The following PRDM12 variants were observed in gnomAD, a reference collection of about 807,000 sequenced individuals.
PRDM12 encodes PR domain zinc finger protein 12.
PRDM12 carries 17 observed loss-of-function variants against 29.6 expected under a neutral mutation model. The observed-to-expected ratio is 0.57, with a 90% CI of 0.39 to 0.86. PRDM12 has a LOEUF of 0.86. Ranked by LOEUF, PRDM12 falls within the 40% of genes least tolerant of loss-of-function variation. PRDM12 has a pLI of 0.00. For synonymous variants in PRDM12, 231 were observed against 225.8 expected, an observed-to-expected ratio of 1.02 and a Z score of -0.21; for missense variants, 422 against 510.8, an observed-to-expected ratio of 0.83 and a Z score of 1.68.
At chr9:130,666,444 C>T (rs1239996106) in intron 1 of PRDM12, among the ~76,000 whole-genome samples, 164 bp from the exon 2 acceptor site, 1 of 152,212 alleles carries the variant, frequency 6.6e-6, no homozygotes, top group African/African-American at 2.4e-5. Context: ...GTTGAGCCTC[C>T]GCACATCCGA....
chr9:130,673,758 G>A (rs1830810037), intron 3 of PRDM12, among the ~76,000 whole-genome samples: 1 of 141,632 alleles, frequency 7.1e-6, no homozygotes, highest in Non-Finnish European at 1.5e-5. Flanking sequence ...CGCAACCTCT[G>A]CCTCCTGGAT....
At chr9:130,677,384 A>G (rs1830852820) in intron 3 of PRDM12, among the ~76,000 whole-genome samples, 1 of 152,204 alleles carries the variant, frequency 6.6e-6, no homozygotes, top group Non-Finnish European at 1.5e-5. Flanking sequence ...CCTGTCTCTG[A>G]CCACAGAAGC....
intron 4 of PRDM12, among the ~76,000 whole-genome samples, chr9:130,679,904 TC>T (rs1262886777): frequency 6.6e-6 from 1 of 150,620 alleles, no homozygotes; most frequent in Non-Finnish European, 1.5e-5. Context: ...CAAATGATCC[TC>T]CTGCCTCTGC....
At chr9:130,676,176 T>C (rs912124647) in intron 3 of PRDM12, among the ~76,000 whole-genome samples, 4 of 151,946 alleles carry the variant, frequency 2.6e-5, no homozygotes, top group Admixed American at 6.6e-5. Context: ...GGAAAAAAAG[T>C]AGAATTTTTA....
chr9:130,675,172 AC>A (rs1277481123), intron 3 of PRDM12, among the ~76,000 whole-genome samples: 5 of 152,158 alleles, frequency 3.3e-5, no homozygotes, highest in African/African-American at 1.2e-4. Flanking sequence ...GAGCCACTGC[AC>A]CCAGCCTACT....
rs138808489 is a variant in PRDM12 at position 130,675,510 on chromosome 9, A to G, written c.571-3019A>G. On this transcript the variant is annotated intron_variant, in intron 3 of 4. Transcript: ENST00000253008. ...GCGGCCTCTGCAGCTCTGCTGGCTC[A>G]GTGAGCACTCCTGCAGGGACCTGGA... is the stretch of plus-strand genomic sequence containing the variant. Among the ~76,000 whole-genome samples, 788 of 152,338 alleles carry G rather than the reference A, an allele frequency of 5.2e-3. 6 individuals are homozygous for G. Among genetic ancestry groups the G allele is most frequent in the African/African-American group, 0.018 (728 of 41,582 alleles).
chr9:130,668,983 G>A lies in PRDM12; in HGVS notation c.570+670G>A, dbSNP rs2132592415. On this transcript the variant is annotated intron_variant, in intron 3 of 4. Coordinates refer to ENST00000253008, the MANE Select transcript of PRDM12 (RefSeq NM_021619.3). The surrounding 1 kb of genome is among the most constrained non-coding windows in gnomAD (Gnocchi z 4.0). Reference sequence around the variant, plus strand: ...GGGGGGAGTGTTAGCACTAATAGCTGCGCTTCCTGAGCCTTCTCAGAGGAG... The same window carrying A: ...GGGGGGAGTGTTAGCACTAATAGCTACGCTTCCTGAGCCTTCTCAGAGGAG... Among the ~76,000 whole-genome samples the A allele has an allele frequency of 6.6e-6, 1 of 152,286 alleles. No individual in the cohort carries two copies. Among genetic ancestry groups the A allele is most frequent in the South Asian group, 2.1e-4 (1 of 4,824 alleles).
At chr9:130,673,763 C>T (rs529663635) in intron 3 of PRDM12, among the ~76,000 whole-genome samples, 1 of 148,176 alleles carries the variant, frequency 6.7e-6, no homozygotes, top group East Asian at 2.0e-4. Flanking sequence ...CCTCTGCCTC[C>T]TGGATTCAAG....
rs1438711270 is a variant in PRDM12, at chr9:130,681,557, A to AGGCACACTCGCCCGCGCTGCC, written c.993_1013dup (p.His333_Ala339dup). ...CACCGGCCGCCCAGCACCGCGCTGC[A>AGGCACACTCGCCCGCGCTGCC]GGCACACTCGCCCGCGCTGCCCGCC... On this transcript the variant is annotated inframe_insertion, in exon 5 of 5. Transcript: ENST00000253008. This position sits in a 1 kb window ranked among gnomAD's most constrained non-coding sequence, Gnocchi z 8.1. The AGGCACACTCGCCCGCGCTGCC allele has an allele frequency of 2.0e-5, 25 of 1,229,032 alleles. No homozygotes were observed. In the African/African-American group the frequency reaches 2.0e-4, roughly 10 times the overall value. 76.1% of individuals were successfully genotyped at this position (1,229,032 alleles called of 1,614,324 possible). A position where few individuals can be genotyped will look rare whatever the true frequency, so the allele number is the denominator to read the frequency against.
intron 3 of PRDM12, among the ~76,000 whole-genome samples, chr9:130,672,504 A>G (rs932043762): frequency 6.6e-6 from 1 of 152,212 alleles, no homozygotes; most frequent in African/African-American, 2.4e-5. Context: ...CTATTAAAAA[A>G]TAGAATCTGC....
intron 1 of PRDM12, among the ~76,000 whole-genome samples, chr9:130,665,678 C>T (rs1478518442): frequency 6.6e-6 from 1 of 152,202 alleles, no homozygotes; most frequent in Non-Finnish European, 1.5e-5. Context: ...TTAGAATTAG[C>T]AATTTCTTTC....
Position 130,681,210 on chromosome 9 carries a change from C to T in PRDM12, c.683-38C>T. ...AACGGGGCTGCTCTCTCCCCTTCTC[C>T]GTCTCCCTTCCCCCGCCCCGCCCCG... On this transcript the variant is annotated intron_variant, in intron 4 of 4. Transcript: ENST00000253008. The surrounding 1 kb of genome is among the most constrained non-coding windows in gnomAD (Gnocchi z 8.1). 7.1e-7 allele frequency: 1 copy of T among 1,409,944 alleles called. No individual in the cohort carries two copies. The highest frequency in any genetic ancestry group is 9.3e-7 in the Non-Finnish European group (1 of 1,078,364). The allele number at this position is 1,409,944 out of a possible 1,614,324, so 87.3% of individuals were successfully genotyped here.
chr9:130,676,730 T>A (rs1022887779), intron 3 of PRDM12, among the ~76,000 whole-genome samples: 1 of 152,136 alleles, frequency 6.6e-6, no homozygotes, highest in Non-Finnish European at 1.5e-5. Context: ...GCGATTCATG[T>A]TTCCACATTG....
chr9:130,672,636 G>A (rs1830800843), intron 3 of PRDM12, among the ~76,000 whole-genome samples: 2 of 152,180 alleles, frequency 1.3e-5, no homozygotes, highest in Non-Finnish European at 1.5e-5. Context: ...TCTGAGCCCT[G>A]AGCTGGAGTG....
chr9:130,670,761 C>T (rs1375692195), intron 3 of PRDM12, among the ~76,000 whole-genome samples: 1 of 152,172 alleles, frequency 6.6e-6, no homozygotes, highest in East Asian at 1.9e-4. Context: ...ATCCCCTCAC[C>T]AACCCCACAC....
chr9:130,677,394 C>G (rs1830852931), intron 3 of PRDM12, among the ~76,000 whole-genome samples: 1 of 152,224 alleles, frequency 6.6e-6, no homozygotes, highest in African/African-American at 2.4e-5. Flanking sequence ...ACCACAGAAG[C>G]CAACGCGGGG....
chr9:130,664,855 C>A lies in PRDM12; in HGVS notation c.202C>A (p.Leu68Met). 1 of 1,544,504 alleles carries A rather than the reference C, an allele frequency of 6.5e-7. No individual in the cohort carries two copies. The highest frequency in any genetic ancestry group is 8.7e-7 in the Non-Finnish European group (1 of 1,145,154). Reference protein sequence around the residue: ...SPKTAFTAEVLAQSFSGEVQK... With the variant: ...SPKTAFTAEVMAQSFSGEVQK... ...CAAGACAGCCTTCACCGCCGAGGTG[C>A]TGGCGCAGTCCTTCTCCGGCGGTGA... Residue 68 changes from leucine (L) to methionine (M), a missense_variant, in exon 1 of 5, where the codon CTG becomes ATG. Physicochemically the swap from Leu to Met is conservative, Grantham distance 15 (BLOSUM62 2). This residue lies in a region of PRDM12 where 300 missense variants were observed against 350.0 expected (regional missense o/e 0.86). Coordinates refer to ENST00000253008, the MANE Select transcript of PRDM12 (RefSeq NM_021619.3). This position sits in a 1 kb window ranked among gnomAD's most constrained non-coding sequence, Gnocchi z 6.4.
chr9:130,680,063 A>G (rs574102541), intron 4 of PRDM12, among the ~76,000 whole-genome samples: 161 of 152,024 alleles, frequency 1.1e-3, no homozygotes, highest in African/African-American at 3.7e-3. Flanking sequence ...TAGGCCGGGC[A>G]TGGTGGCTTA....
chr9:130,667,727 T>C (rs1456058987), intron 2 of PRDM12, among the ~76,000 whole-genome samples: 1 of 152,154 alleles, frequency 6.6e-6, no homozygotes, highest in Admixed American at 6.5e-5. Context: ...TAGGCCAAGC[T>C]GGAGTGCCAC....
Sources: gnomAD v4.1 joint callset for allele counts (sites outside exome capture counted in the v4.1 genomes callset) on GRCh38, gnomAD v4.1.1 for gene constraint, gnomAD v4.1.1 regional missense constraint, Gnocchi (gnomAD v3.1) non-coding constraint, MANE v1.5 for transcripts, NCBI Gene and HGNC (gene_info 2026-07-23, HGNC 2026-07-21) for gene names.